Variants in CTNND2 observed in about 807,000 individuals in gnomAD.
The protein encoded by CTNND2 is catenin delta 2, also known as catenin delta-2.
Under a neutral mutation model 144.4 loss-of-function variants are expected in CTNND2, and 22 were observed. The ratio of observed to expected loss-of-function variants is 0.15; its 90% CI spans 0.11 to 0.22. CTNND2 has a LOEUF of 0.22. CTNND2 is among the 10% of genes least tolerant of loss of function. The probability of loss-of-function intolerance (pLI) is 1.00; values close to 1 mark genes in which losing one functional copy is unlikely to be tolerated. For missense variants in CTNND2, 1,353 were observed against 1,618.8 expected (o/e 0.84, Z 2.82); for synonymous variants, 751 against 695.6 (o/e 1.08, Z -1.25).
chr5:11,633,081 C>A (rs1286579312), intron 2 of CTNND2, among the ~76,000 whole-genome samples: 2 of 152,156 alleles, frequency 1.3e-5, no homozygotes, highest in Non-Finnish European at 2.9e-5. Context: ...ATGAAAATAT[C>A]AAATGAATAA....
chr5:11,197,441 G>A (rs964973017), intron 11 of CTNND2, among the ~76,000 whole-genome samples: 3 of 152,180 alleles, frequency 2.0e-5, no homozygotes, highest in African/African-American at 7.2e-5. Context: ...TGAAAACACA[G>A]TGGGTCAAGA....
chr5:11,766,368 G>A (rs915370099), intron 1 of CTNND2, among the ~76,000 whole-genome samples: 1 of 152,178 alleles, frequency 6.6e-6, no homozygotes, highest in Non-Finnish European at 1.5e-5. Context: ...GTTGTGGGAA[G>A]GACCCAGTGG....
chr5:11,233,459 A>G (rs148818831), intron 10 of CTNND2, among the ~76,000 whole-genome samples: 86 of 152,344 alleles, frequency 5.6e-4, no homozygotes, highest in African/African-American at 1.9e-3. Context: ...ATGAATGATG[A>G]AATGTAGACT....
At chr5:11,665,270 T>G (rs1368732286) in intron 2 of CTNND2, among the ~76,000 whole-genome samples, 1 of 152,184 alleles carries the variant, frequency 6.6e-6, no homozygotes, top group Non-Finnish European at 1.5e-5. Flanking sequence ...GCTCCACTAC[T>G]TACCAGCTAT....
At chr5:11,377,035 G>A (rs1190661428) in intron 7 of CTNND2, among the ~76,000 whole-genome samples, 1 of 149,920 alleles carries the variant, frequency 6.7e-6, no homozygotes, top group African/African-American at 2.5e-5. Context: ...CTCAGACCCT[G>A]GTCTCTGTGT....
At chr5:11,193,373 T>C (rs1378490251) in intron 11 of CTNND2, among the ~76,000 whole-genome samples, 4 of 152,254 alleles carry the variant, frequency 2.6e-5, no homozygotes, top group Non-Finnish European at 4.4e-5. Flanking sequence ...AGGGTTTATA[T>C]TAAAATTTGA....
intron 1 of CTNND2, among the ~76,000 whole-genome samples, chr5:11,877,166 T>C (rs1735629392): frequency 6.6e-6 from 1 of 152,292 alleles, no homozygotes; most frequent in East Asian, 1.9e-4. Flanking sequence ...TAAGAGATAC[T>C]AATTAAGTCT....
intron 9 of CTNND2, among the ~76,000 whole-genome samples, chr5:11,256,512 A>C: frequency 6.6e-6 from 1 of 152,262 alleles, no homozygotes; most frequent in East Asian, 1.9e-4. Flanking sequence ...AGTACCTGGC[A>C]TACTTCTTTG....
intron 9 of CTNND2, among the ~76,000 whole-genome samples, chr5:11,344,143 G>T (rs1207658793): frequency 1.3e-5 from 2 of 152,196 alleles, no homozygotes; most frequent in African/African-American, 4.8e-5. Flanking sequence ...GGTGGCTCAC[G>T]CCTGTAATCC....
At chr5:11,633,149 A>C (rs1344087073) in intron 2 of CTNND2, among the ~76,000 whole-genome samples, 1 of 152,202 alleles carries the variant, frequency 6.6e-6, no homozygotes, top group Non-Finnish European at 1.5e-5. Flanking sequence ...CAAGAAGCTC[A>C]ATAACTAAAA....
At chr5:11,183,718 T>C (rs1313889288) in intron 11 of CTNND2, among the ~76,000 whole-genome samples, 1 of 152,052 alleles carries the variant, frequency 6.6e-6, no homozygotes, top group African/African-American at 2.4e-5. Context: ...CCACCGTGCC[T>C]GGCTAATTTT....
At chr5:11,088,401 G>A (rs1561284379) in intron 15 of CTNND2, among the ~76,000 whole-genome samples, 1 of 152,128 alleles carries the variant, frequency 6.6e-6, no homozygotes, top group African/African-American at 2.4e-5. Flanking sequence ...TCACAGACAT[G>A]GAAGATTTGG....
intron 2 of CTNND2, among the ~76,000 whole-genome samples, chr5:11,701,267 C>G (rs1785419674): frequency 6.6e-6 from 1 of 152,146 alleles, no homozygotes; most frequent in African/African-American, 2.4e-5. Context: ...CTAGCACTAC[C>G]CCATCAGCAA....
intron 16 of CTNND2, among the ~76,000 whole-genome samples, chr5:11,062,598 C>T (rs1194070152): frequency 6.6e-6 from 1 of 152,208 alleles, no homozygotes; most frequent in African/African-American, 2.4e-5. Context: ...CTAATGTTAA[C>T]CCTTGACTAC....
rs574216057 is a variant in CTNND2, at chr5:11,701,933, G to A, written c.174+30203C>T. Among the ~76,000 whole-genome samples, 3 of 152,256 alleles carry A rather than the reference G, an allele frequency of 2.0e-5. No homozygotes were observed. The South Asian group carries it at 6.2e-4, about 32-fold the overall frequency. On this transcript the variant is annotated intron_variant, in intron 2 of 21. Coordinates refer to ENST00000304623, the MANE Select transcript of CTNND2 (RefSeq NM_001332.4). Reference sequence around the variant, plus strand: ...GTTTAAAGAGAACGAATTCTGCAGTGCCTTCCCACTGTGTCTATAAACTCA... The same window carrying A: ...GTTTAAAGAGAACGAATTCTGCAGTACCTTCCCACTGTGTCTATAAACTCA...
intron 2 of CTNND2, among the ~76,000 whole-genome samples, chr5:11,719,519 T>G (rs1786540528): frequency 6.6e-6 from 1 of 152,154 alleles, no homozygotes; most frequent in African/African-American, 2.4e-5. Flanking sequence ...AGTATGGATA[T>G]CTCAGACCAC....
At chr5:11,900,435 C>T (rs1477187358) in intron 1 of CTNND2, among the ~76,000 whole-genome samples, 1 of 152,166 alleles carries the variant, frequency 6.6e-6, no homozygotes, top group Non-Finnish European at 1.5e-5. Context: ...GTTGGAGGTA[C>T]TGTTTGTGAC....
intron 9 of CTNND2, among the ~76,000 whole-genome samples, chr5:11,237,974 T>C (rs2149898707): frequency 6.6e-6 from 1 of 152,360 alleles, no homozygotes; most frequent in Non-Finnish European, 1.5e-5. Context: ...AGAATGTTAA[T>C]ACATTTTATG....
intron 1 of CTNND2, among the ~76,000 whole-genome samples, chr5:11,812,841 T>G (rs1193745064): frequency 6.6e-6 from 1 of 152,020 alleles, no homozygotes; most frequent in Non-Finnish European, 1.5e-5. Context: ...GGAGCCCCCA[T>G]CAAAGCATGA....
Sources: allele counts gnomAD v4.1 joint callset (sites outside exome capture counted in the v4.1 genomes callset), GRCh38; gene constraint gnomAD v4.1.1; transcripts MANE v1.5; gene names NCBI Gene and HGNC (gene_info 2026-07-23, HGNC 2026-07-21).